The following USH2A variants were observed in gnomAD, a reference collection of about 807,000 sequenced individuals.
The protein encoded by USH2A is usherin, also known as Usher syndrome 2A (autosomal recessive, mild).
In USH2A, 443 loss-of-function variants were observed where a neutral mutation model predicts 538.9. That is an observed-to-expected ratio of 0.82 (90% CI 0.76 to 0.89). The LOEUF is 0.89. USH2A is among the 40% of genes least tolerant of loss of function. USH2A has a pLI of 0.00. For synonymous variants in USH2A, 2,413 were observed against 2,273.5 expected, an observed-to-expected ratio of 1.06 and a Z score of -1.75; for missense variants, 6,633 against 6,324.8, an observed-to-expected ratio of 1.05 and a Z score of -1.65.
intron 44 of USH2A, among the ~76,000 whole-genome samples, chr1:215,852,034 T>C (rs1474758921): frequency 1.3e-5 from 2 of 152,156 alleles, no homozygotes; most frequent in African/African-American, 4.8e-5. Flanking sequence ...AGAAAGGACA[T>C]ACTTTAATGT....
intron 51 of USH2A, among the ~76,000 whole-genome samples, chr1:215,787,269 T>A (rs1248095557): frequency 6.6e-6 from 1 of 152,210 alleles, no homozygotes. Context: ...AAACTTAGTA[T>A]ACACACTACA....
intron 38 of USH2A, among the ~76,000 whole-genome samples, chr1:215,909,023 A>G (rs2102477258): frequency 6.7e-6 from 1 of 149,626 alleles, no homozygotes; most frequent in South Asian, 2.1e-4. Flanking sequence ...CATTAAATAT[A>G]TTATATATCT....
At chr1:216,110,800 A>G (rs572679836) in intron 21 of USH2A, among the ~76,000 whole-genome samples, 7 of 152,334 alleles carry the variant, frequency 4.6e-5, no homozygotes, top group South Asian at 2.1e-4. Context: ...TGTGTGCACA[A>G]AGAAGTGAAG....
chr1:215,843,369 G>A (rs1460851962), intron 46 of USH2A, among the ~76,000 whole-genome samples: 1 of 152,050 alleles, frequency 6.6e-6, no homozygotes, highest in Non-Finnish European at 1.5e-5. Flanking sequence ...TCACTCATTT[G>A]CACATTTAGC....
In USH2A at chr1:215,680,499, G is replaced by A. The variant is rs142706807; in HGVS notation, c.12067-123C>T. The A allele has an allele frequency of 1.3e-5, 11 of 861,576 alleles. No homozygotes were observed. In the African/African-American group the frequency reaches 1.5e-4, roughly 12 times the overall value. The allele number at this position is 861,576 out of a possible 1,614,324, so 53.4% of individuals were successfully genotyped here. A position where few individuals can be genotyped will look rare whatever the true frequency, so the allele number is the denominator to read the frequency against. The stretch of plus-strand genomic sequence containing the variant: ...AGGCAACAGCAGCGCAAACACTACA[G>A]CAGAGTTTTGAATTATCATTAAGAA... On this transcript the variant is annotated intron_variant, in intron 61 of 71. Coordinates refer to ENST00000307340, the MANE Select transcript of USH2A (RefSeq NM_206933.4).
At chr1:216,081,985 G>A (rs2031963491) in intron 26 of USH2A, among the ~76,000 whole-genome samples, 1 of 151,896 alleles carries the variant, frequency 6.6e-6, no homozygotes, top group Admixed American at 6.6e-5. Flanking sequence ...ATAGAGGAAG[G>A]TGGAGGGTGG....
At chr1:216,340,347 T>C (rs187601125) in intron 4 of USH2A, among the ~76,000 whole-genome samples, 1 of 151,960 alleles carries the variant, frequency 6.6e-6, no homozygotes, top group East Asian at 1.9e-4. Context: ...AGGCAGTAAT[T>C]AATAGCCTAC....
At chr1:216,317,589 T>C (rs573481801) in intron 9 of USH2A, among the ~76,000 whole-genome samples, 1 of 152,154 alleles carries the variant, frequency 6.6e-6, no homozygotes, top group African/African-American at 2.4e-5. Context: ...GGCTCATGCC[T>C]GTAATCCCAG....
At chr1:215,727,200 T>C (rs1173357537) in intron 61 of USH2A, among the ~76,000 whole-genome samples, 1 of 151,984 alleles carries the variant, frequency 6.6e-6, no homozygotes, top group African/African-American at 2.4e-5. Flanking sequence ...AATACATATA[T>C]ACACACACAT....
intron 58 of USH2A, among the ~76,000 whole-genome samples, chr1:215,758,137 T>G (rs1054071084): frequency 1.3e-5 from 2 of 152,008 alleles, no homozygotes; most frequent in Non-Finnish European, 2.9e-5. Context: ...CAATACAAAA[T>G]TAGCCGGGCA....
intron 38 of USH2A, among the ~76,000 whole-genome samples, chr1:215,917,263 T>G (rs1665978999): frequency 1.3e-5 from 2 of 152,142 alleles, no homozygotes; most frequent in African/African-American, 4.8e-5. Flanking sequence ...TTAGTATTCC[T>G]AAGAGCATTT....
At chr1:216,146,541 C>T (rs2033708271) in intron 21 of USH2A, among the ~76,000 whole-genome samples, 1 of 152,112 alleles carries the variant, frequency 6.6e-6, no homozygotes, top group South Asian at 2.1e-4. Context: ...GCAAGTACCC[C>T]TCAACCCCTT....
chr1:216,015,331 T>C (rs760095359), intron 32 of USH2A, among the ~76,000 whole-genome samples: 14 of 152,294 alleles, frequency 9.2e-5, no homozygotes, highest in Non-Finnish European at 1.6e-4. Flanking sequence ...TCAGGTTGCA[T>C]TCATCTCTGC....
intron 38 of USH2A, among the ~76,000 whole-genome samples, chr1:215,930,564 CTG>C (rs909006871): frequency 2.6e-5 from 4 of 152,094 alleles, no homozygotes; most frequent in African/African-American, 9.7e-5. Context: ...TATCATGCAA[CTG>C]TGACTTTAAC....
chr1:216,126,913 G>T (rs944763370), intron 21 of USH2A, among the ~76,000 whole-genome samples: 2 of 152,222 alleles, frequency 1.3e-5, no homozygotes, highest in Non-Finnish European at 2.9e-5. Context: ...TGGTTAGCTG[G>T]AATAAGTTCT....
chr1:215,648,870 G>C (rs1425779224), intron 65 of USH2A, 104 bp from the exon 66 acceptor site: 4 of 1,120,718 alleles, frequency 3.6e-6, no homozygotes, highest in African/African-American at 3.1e-5. Flanking sequence ...ACCATGCCAG[G>C]CACTCTGGGA....
At chr1:216,325,677 T>C (rs756709230) in intron 5 of USH2A, 78 bp from the exon 6 acceptor site, 42 of 1,393,358 alleles carry the variant, frequency 3.0e-5, no homozygotes, top group Non-Finnish European at 3.9e-6. Flanking sequence ...TACAAATGAA[T>C]GTCACTCGTT....
intron 38 of USH2A, among the ~76,000 whole-genome samples, chr1:215,910,548 A>G (rs1665755289): frequency 6.6e-6 from 1 of 151,444 alleles, no homozygotes; most frequent in African/African-American, 2.4e-5. Context: ...TATACATAAT[A>G]TAATAAAGTA....
At chr1:216,218,520 G>A (rs1249774641) in intron 14 of USH2A, among the ~76,000 whole-genome samples, 1 of 152,050 alleles carries the variant, frequency 6.6e-6, no homozygotes, top group East Asian at 1.9e-4. Flanking sequence ...CTGAACGGAT[G>A]GAGTTACTTT....
Sources: gnomAD v4.1 joint callset for allele counts (sites outside exome capture counted in the v4.1 genomes callset) on GRCh38, gnomAD v4.1.1 for gene constraint, MANE v1.5 for transcripts, NCBI Gene and HGNC (gene_info 2026-07-23, HGNC 2026-07-21) for gene names.